ATR: variants seen among roughly 807,000 people sequenced by gnomAD.
ATR encodes the protein serine/threonine-protein kinase ATR.
In ATR, 142 loss-of-function variants were observed where a neutral mutation model predicts 305.3. The observed-to-expected ratio is 0.47, with a 90% confidence interval of 0.41 to 0.53. ATR has a LOEUF of 0.53. ATR is among the 20% of genes least tolerant of loss of function. The probability of loss-of-function intolerance (pLI) is 0.00; values close to 1 mark genes in which losing one functional copy is unlikely to be tolerated. For missense variants in ATR, 2,135 were observed against 3,133.1 expected, an observed-to-expected ratio of 0.68 and a Z score of 7.60; for synonymous variants, 1,050 against 1,068.1, an observed-to-expected ratio of 0.98 and a Z score of 0.33.
At chr3:142,549,268 T>C (rs1456165043) in intron 15 of ATR, among the ~76,000 whole-genome samples, 2 of 152,162 alleles carry the variant, frequency 1.3e-5, no homozygotes, top group African/African-American at 4.8e-5. Flanking sequence ...GCCTATCATA[T>C]CCCATTATGG....
At chr3:142,461,835 T>C (rs1279093557) in intron 42 of ATR, 105 bp downstream of exon 42, 22 of 1,256,798 alleles carry the variant, frequency 1.8e-5, no homozygotes, top group Non-Finnish European at 4.5e-6. Flanking sequence ...AATTTCACTA[T>C]AGCTTATATC....
chr3:142,450,488 G>A, intron 46 of ATR: 1 of 1,602,940 alleles, frequency 6.2e-7, no homozygotes, highest in Non-Finnish European at 8.5e-7. Context: ...ACTAAAGAGA[G>A]AGTTCATCAG....
chr3:142,491,507 G>T (rs1396524646), intron 35 of ATR, among the ~76,000 whole-genome samples: 1 of 152,182 alleles, frequency 6.6e-6, no homozygotes, highest in East Asian at 1.9e-4. Flanking sequence ...TTAAGTACTG[G>T]TGAGTTTTTG....
rs1173135005 is a variant in ATR at position 142,449,292 on chromosome 3, T to A, written c.*137A>T. 4 of 753,228 alleles carry A rather than the reference T, an allele frequency of 5.3e-6. No homozygotes were observed. Among genetic ancestry groups the A allele is most frequent in the Non-Finnish European group, 8.6e-6 (4 of 462,770 alleles). 46.7% of individuals were successfully genotyped at this position (753,228 alleles called of 1,614,324 possible). On this transcript the variant is annotated 3_prime_UTR_variant, in exon 47 of 47. Coordinates refer to ENST00000350721, the MANE Select transcript of ATR (RefSeq NM_001184.4). ...TGAATGTATATTATTTTACATATAATTAATGATCAGAGAGAAATAACAGTT... is the reference window on the plus strand; with the variant it reads ...TGAATGTATATTATTTTACATATAAATAATGATCAGAGAGAAATAACAGTT...
At chr3:142,555,108 C>T (rs927935164) in intron 10 of ATR, among the ~76,000 whole-genome samples, 1 of 141,330 alleles carries the variant, frequency 7.1e-6, no homozygotes, top group African/African-American at 2.6e-5. Flanking sequence ...TGGTGGCACA[C>T]GCCTGTAATC....
chr3:142,531,217 C>T (rs936712236), intron 21 of ATR, among the ~76,000 whole-genome samples: 3 of 151,954 alleles, frequency 2.0e-5, no homozygotes. Context: ...CCTAAGACAA[C>T]CTGAAAGTCT....
intron 23 of ATR, 148 bp from the exon 24 acceptor site, chr3:142,519,932 T>C: frequency 1.5e-6 from 1 of 689,284 alleles, no homozygotes; most frequent in Non-Finnish European, 2.5e-6. Flanking sequence ...GGATGCTGTT[T>C]TTTTTGTCTG....
At chr3:142,573,703 T>G (rs1032946272) in intron 1 of ATR, among the ~76,000 whole-genome samples, 3 of 152,126 alleles carry the variant, frequency 2.0e-5, no homozygotes, top group African/African-American at 7.2e-5. Flanking sequence ...ATCTGAAATA[T>G]TAGGTGAATG....
chr3:142,521,102 T>G (rs934349140), intron 23 of ATR, among the ~76,000 whole-genome samples: 1 of 152,056 alleles, frequency 6.6e-6, no homozygotes, highest in African/African-American at 2.4e-5. Context: ...CCCATAAAAA[T>G]TGAAAATTAG....
intron 36 of ATR, among the ~76,000 whole-genome samples, chr3:142,474,538 T>G (rs2071386464): frequency 6.6e-6 from 1 of 152,218 alleles, no homozygotes; most frequent in Non-Finnish European, 1.5e-5. Context: ...TACTCTGTTA[T>G]TAGTGTATAG....
intron 41 of ATR, among the ~76,000 whole-genome samples, 165 bp from the exon 42 acceptor site, chr3:142,462,255 A>G (rs2071036757): frequency 6.6e-6 from 1 of 152,232 alleles, no homozygotes; most frequent in Admixed American, 6.5e-5. Flanking sequence ...GAAGGAAGCT[A>G]CTGGGACAGT....
intron 43 of ATR, 44 bp downstream of exon 43, chr3:142,459,183 T>C (rs1173582546): frequency 3.1e-6 from 5 of 1,612,564 alleles, no homozygotes; most frequent in African/African-American, 2.7e-5. Flanking sequence ...ATATTAAAAA[T>C]AAACATTCAA....
Position 142,513,492 on chromosome 3 carries a change from T to C in ATR, c.4641+9A>G, listed in dbSNP as rs369284360. On this transcript the variant is annotated intron_variant, in intron 26 of 46. Coordinates refer to ENST00000350721, the MANE Select transcript of ATR (RefSeq NM_001184.4). Reference sequence around the variant, plus strand: ...ATGTTCAAAAACCAAGTAAGATGATTTATCTCACCTCCTGCTGATCTTCTT... The same window carrying C: ...ATGTTCAAAAACCAAGTAAGATGATCTATCTCACCTCCTGCTGATCTTCTT... 441 of 1,613,064 alleles carry C rather than the reference T, an allele frequency of 2.7e-4. No homozygotes were observed. The highest frequency in any genetic ancestry group is 3.5e-4 in the Non-Finnish European group (417 of 1,179,474).
chr3:142,575,582 T>C (rs1193998351), intron 1 of ATR, among the ~76,000 whole-genome samples: 1 of 152,098 alleles, frequency 6.6e-6, no homozygotes, highest in Admixed American at 6.5e-5. Flanking sequence ...CTCTAGTGGC[T>C]AATGCTGCTG....
At chr3:142,496,669 T>C in intron 33 of ATR, 149 bp from the exon 34 acceptor site, 3 of 800,686 alleles carry the variant, frequency 3.7e-6, no homozygotes, top group Non-Finnish European at 5.9e-6. Flanking sequence ...ACCTTCTTCA[T>C]ATACTATTTC....
At chr3:142,563,188 G>C (rs2034947864) in intron 3 of ATR, 79 bp from the exon 4 acceptor site, 1 of 1,356,010 alleles carries the variant, frequency 7.4e-7, no homozygotes, top group East Asian at 2.3e-5. Context: ...CTTGACGATT[G>C]ACTTTTAAAG....
intron 36 of ATR, among the ~76,000 whole-genome samples, chr3:142,474,729 C>A (rs2071391397): frequency 6.6e-6 from 1 of 152,000 alleles, no homozygotes; most frequent in African/African-American, 2.4e-5. Context: ...TATCTCTCTT[C>A]TCGAATTGCT....
intron 42 of ATR, 104 bp downstream of exon 42, chr3:142,461,836 A>T: frequency 7.9e-7 from 1 of 1,264,158 alleles, no homozygotes; most frequent in Non-Finnish European, 1.1e-6. Context: ...ATTTCACTAT[A>T]GCTTATATCA....
chr3:142,477,683 G>A (rs2108295114), intron 36 of ATR, among the ~76,000 whole-genome samples: 1 of 152,290 alleles, frequency 6.6e-6, no homozygotes, highest in African/African-American at 2.4e-5. Flanking sequence ...GTTCCTCCTT[G>A]TACCTCTGGT....
Sources: gnomAD v4.1 joint callset for allele counts (sites outside exome capture counted in the v4.1 genomes callset) on GRCh38, gnomAD v4.1.1 for gene constraint, MANE v1.5 for transcripts, NCBI Gene and HGNC (gene_info 2026-07-23, HGNC 2026-07-21) for gene names.